Variants in ULK4 observed in about 807,000 individuals in gnomAD.
The protein encoded by ULK4 is inactive serine/threonine-protein kinase ULK4.
Under a neutral mutation model 160.6 loss-of-function variants are expected in ULK4, and 133 were observed. The observed-to-expected ratio is 0.83, with a 90% CI of 0.72 to 0.96. The LOEUF (loss-of-function observed/expected upper bound fraction) is 0.96. Among genes scored for constraint, ULK4 ranks in the 40% least tolerant of loss-of-function variants. The probability of loss-of-function intolerance (pLI) is 0.00; values close to 1 mark genes in which losing one functional copy is unlikely to be tolerated. For missense variants in ULK4, 1,580 were observed against 1,499.5 expected (o/e 1.05, Z -0.89); for synonymous variants, 534 against 539.8 (o/e 0.99, Z 0.15).
rs888940310 is a variant in ULK4, at chr3:41,766,032, A to G, written c.2194-11544T>C. ...ATGCCTTTAATCCCAGCACTTTGGG[A>G]GGCCAAAGCGGGTGGATCACAAGGT... On this transcript the variant is annotated intron_variant, in intron 21 of 36. Transcript: ENST00000301831. 6.2e-4 allele frequency among the ~76,000 whole-genome samples: 94 copies of G among 152,324 alleles called. 1 individual carries two copies. Among genetic ancestry groups the G allele is most frequent in the African/African-American group, 1.8e-3 (74 of 41,564 alleles).
At chr3:41,937,297 T>C (rs1699807686) in intron 3 of ULK4, 1 of 689,042 alleles carries the variant, frequency 1.5e-6, no homozygotes, top group Non-Finnish European at 2.6e-6. Context: ...TTGATAACCT[T>C]GTCCATGTGT....
At chr3:41,278,397 C>G (rs1362924289) in intron 35 of ULK4, among the ~76,000 whole-genome samples, 1 of 152,250 alleles carries the variant, frequency 6.6e-6, no homozygotes, top group Non-Finnish European at 1.5e-5. Flanking sequence ...CAGACAACTT[C>G]TGTAGACTTA....
chr3:41,682,717 C>T (rs1202277274), intron 27 of ULK4, among the ~76,000 whole-genome samples: 1 of 152,194 alleles, frequency 6.6e-6, no homozygotes, highest in Non-Finnish European at 1.5e-5. Context: ...GTTTTCTTCA[C>T]CCTCTTCCAC....
chr3:41,607,406 T>C (rs2032433059), intron 31 of ULK4, among the ~76,000 whole-genome samples: 1 of 152,098 alleles, frequency 6.6e-6, no homozygotes, highest in African/African-American at 2.4e-5. Context: ...AATGATAAAT[T>C]TGACTCTCAT....
chr3:41,430,582 G>A (rs903043867), intron 34 of ULK4, among the ~76,000 whole-genome samples: 15 of 152,076 alleles, frequency 9.9e-5, no homozygotes, highest in Non-Finnish European at 1.6e-4. Context: ...AAATACCCCC[G>A]GGTACATTAC....
chr3:41,809,183 A>C (rs1276341440), intron 19 of ULK4, among the ~76,000 whole-genome samples: 1 of 147,112 alleles, frequency 6.8e-6, no homozygotes, highest in African/African-American at 2.4e-5. Flanking sequence ...AAACAAAAAA[A>C]AAAACAAAAA....
chr3:41,883,756 G>T, intron 17 of ULK4, 118 bp downstream of exon 17: 2 of 904,434 alleles, frequency 2.2e-6, no homozygotes, highest in Non-Finnish European at 3.6e-6. Context: ...TAGAACGATT[G>T]CCACAATCCC....
At chr3:41,780,339 GCTAT>G (rs1017668039) in intron 21 of ULK4, among the ~76,000 whole-genome samples, 1 of 151,766 alleles carries the variant, frequency 6.6e-6, no homozygotes, top group Non-Finnish European at 1.5e-5. Flanking sequence ...GATGGTGTAT[GCTAT>G]CTTTTATCTT....
chr3:41,331,991 T>G (rs2080451756), intron 35 of ULK4, among the ~76,000 whole-genome samples: 1 of 152,230 alleles, frequency 6.6e-6, no homozygotes, highest in African/African-American at 2.4e-5. Context: ...CTTCCAAAGC[T>G]TTCTATATGC....
intron 4 of ULK4, among the ~76,000 whole-genome samples, chr3:41,935,209 A>T (rs28620335): frequency 3.7e-4 from 50 of 135,578 alleles, no homozygotes; most frequent in African/African-American, 1.5e-3. Context: ...TTATTTATTT[A>T]TTTTTTTTTT....
Position 41,525,801 on chromosome 3 carries a change from ACTT to A in ULK4, c.3226+40221_3226+40223del, listed in dbSNP as rs1158920915. 2.6e-5 allele frequency among the ~76,000 whole-genome samples: 4 copies of A among 152,028 alleles called. No homozygotes were observed. The East Asian group carries it at 5.8e-4, about 22-fold the overall frequency. ...TCTTTCACCTGTCTGGTTCCCTTTC[ACTT>A]CTTCTGTAAAAATACTAATCATGCT... On this transcript the variant is annotated intron_variant, in intron 32 of 36. Coordinates refer to ENST00000301831, the MANE Select transcript of ULK4 (RefSeq NM_017886.4).
chr3:41,556,478 T>G (rs1345997103), intron 32 of ULK4, among the ~76,000 whole-genome samples: 1 of 135,768 alleles, frequency 7.4e-6, no homozygotes, highest in Non-Finnish European at 1.5e-5. Flanking sequence ...GCAAAGAAAC[T>G]CTACCAAACT....
chr3:41,716,727 C>T (rs1315456869), intron 23 of ULK4, among the ~76,000 whole-genome samples: 1 of 152,122 alleles, frequency 6.6e-6, no homozygotes, highest in Non-Finnish European at 1.5e-5. Flanking sequence ...GCTGGAAAAG[C>T]ATGGAATGGG....
intron 35 of ULK4, among the ~76,000 whole-genome samples, chr3:41,361,983 T>C (rs919462291): frequency 6.6e-6 from 1 of 152,168 alleles, no homozygotes. Flanking sequence ...TTCTAAACAG[T>C]TGAACAAAGA....
chr3:41,644,648 A>C lies in ULK4; in HGVS notation c.3071+18959T>G, dbSNP rs1262468322. On this transcript the variant is annotated intron_variant, in intron 30 of 36. Transcript: ENST00000301831. ...GTGTTCATCAGGGATATTGGTCTAA[A>C]ATTCTCTTTTTTGGTTGTGTCTCTG... 3.3e-5 allele frequency among the ~76,000 whole-genome samples: 5 copies of C among 151,972 alleles called. No individual in the cohort carries two copies. The East Asian group carries it at 7.7e-4, about 24-fold the overall frequency.
intron 32 of ULK4, among the ~76,000 whole-genome samples, chr3:41,490,541 T>C (rs1263513804): frequency 6.6e-6 from 1 of 152,238 alleles, no homozygotes; most frequent in Non-Finnish European, 1.5e-5. Context: ...GTGCTTCTGT[T>C]CATACCATTC....
At chr3:41,747,302 T>C (rs373648526) in intron 22 of ULK4, among the ~76,000 whole-genome samples, 4 of 151,910 alleles carry the variant, frequency 2.6e-5, no homozygotes, top group East Asian at 3.8e-4. Context: ...AAATTCCATC[T>C]TTGGCCAGTG....
At chr3:41,761,992 A>G (rs529389540) in intron 21 of ULK4, among the ~76,000 whole-genome samples, 1 of 152,176 alleles carries the variant, frequency 6.6e-6, no homozygotes, top group South Asian at 2.1e-4. Flanking sequence ...GCTGAGGTGG[A>G]TGGATCACTT....
intron 18 of ULK4, among the ~76,000 whole-genome samples, chr3:41,829,121 C>T (rs1443439676): frequency 6.6e-6 from 1 of 150,962 alleles, no homozygotes; most frequent in South Asian, 2.1e-4. Flanking sequence ...GGATCCCTTC[C>T]TTACACCTTA....
Sources: gnomAD v4.1 joint callset for allele counts (sites outside exome capture counted in the v4.1 genomes callset) on GRCh38, gnomAD v4.1.1 for gene constraint, MANE v1.5 for transcripts, NCBI Gene and HGNC (gene_info 2026-07-23, HGNC 2026-07-21) for gene names.